Variants in ZDHHC2 observed in about 807,000 individuals in gnomAD.
The protein encoded by ZDHHC2 is palmitoyltransferase ZDHHC2.
A neutral mutation model predicts 55.6 loss-of-function variants in ZDHHC2; 51 were observed. That is an observed-to-expected ratio of 0.92 (90% CI 0.73 to 1.16). The LOEUF (loss-of-function observed/expected upper bound fraction) is 1.16. Ranked by LOEUF, ZDHHC2 falls within the 50% of genes most tolerant of loss-of-function variation. The pLI, the probability that ZDHHC2 is intolerant of heterozygous loss-of-function variation, is 0.00. For synonymous variants in ZDHHC2, 199 were observed against 152.9 expected (o/e 1.30, Z -2.22); for missense variants, 491 against 442.4 (o/e 1.11, Z -0.99).
At chr8:17,183,444 C>G (rs1414246845) in intron 1 of ZDHHC2, among the ~76,000 whole-genome samples, 2 of 152,216 alleles carry the variant, frequency 1.3e-5, no homozygotes, top group Non-Finnish European at 2.9e-5. Flanking sequence ...CAAACTCTGA[C>G]TAGCCTCTGA....
intron 7 of ZDHHC2, 86 bp downstream of exon 7, chr8:17,205,861 A>G: frequency 7.6e-7 from 1 of 1,321,376 alleles, no homozygotes; most frequent in Non-Finnish European, 1.0e-6. Flanking sequence ...TCCGACACTG[A>G]CTTTATAGAC....
intron 1 of ZDHHC2, among the ~76,000 whole-genome samples, chr8:17,183,361 T>A (rs1805531941): frequency 6.6e-6 from 1 of 152,186 alleles, no homozygotes; most frequent in African/African-American, 2.4e-5. Flanking sequence ...TAGGTTCAGA[T>A]ATTAAAAAAC....
chr8:17,187,077 T>C, intron 3 of ZDHHC2, among the ~76,000 whole-genome samples: 1 of 152,158 alleles, frequency 6.6e-6, no homozygotes, highest in East Asian at 1.9e-4. Context: ...CATTTAGAAG[T>C]TGGTTATATG....
At chr8:17,212,956 G>A (rs1807459260) in intron 10 of ZDHHC2, among the ~76,000 whole-genome samples, 1 of 151,992 alleles carries the variant, frequency 6.6e-6, no homozygotes, top group Non-Finnish European at 1.5e-5. Flanking sequence ...TCACACTCCT[G>A]GGCTCAAGCA....
At chr8:17,184,740 C>G in intron 1 of ZDHHC2, 49 bp from the exon 2 acceptor site, 2 of 1,496,458 alleles carry the variant, frequency 1.3e-6, no homozygotes, top group East Asian at 2.5e-5. Flanking sequence ...TGTCAAGCCC[C>G]GTTTGCCATA....
chr8:17,167,880 C>A (rs1405874264), intron 1 of ZDHHC2, among the ~76,000 whole-genome samples: 1 of 117,632 alleles, frequency 8.5e-6, no homozygotes, highest in East Asian at 2.3e-4. Context: ...GCAGGAAACA[C>A]TCCAACAGCA....
Position 17,221,751 on chromosome 8 carries a change from A to G in ZDHHC2, c.*1530A>G, listed in dbSNP as rs1467199023. ...GAGTGCAATTCTTTGAACAATAGAA[A>G]TATCTGCAGTCTTTCACAGATTTGT... On this transcript the variant is annotated 3_prime_UTR_variant, in exon 13 of 13. Transcript: ENST00000262096. The G allele has an allele frequency of 1.3e-5, 2 of 152,526 alleles. No homozygotes were observed. The highest frequency in any genetic ancestry group is 4.8e-5 in the African/African-American group (2 of 41,452). The allele number at this position is 152,526 out of a possible 1,614,324, so 9.4% of individuals were successfully genotyped here. A position where few individuals can be genotyped will look rare whatever the true frequency, so the allele number is the denominator to read the frequency against.
At chr8:17,208,719 G>T (rs1807227319) in intron 8 of ZDHHC2, among the ~76,000 whole-genome samples, 2 of 152,098 alleles carry the variant, frequency 1.3e-5, no homozygotes, top group South Asian at 4.1e-4. Flanking sequence ...AATACTATTA[G>T]GGTGAAAATA....
At chr8:17,158,702 G>C (rs1804186899) in intron 1 of ZDHHC2, among the ~76,000 whole-genome samples, 1 of 152,214 alleles carries the variant, frequency 6.6e-6, no homozygotes, top group Non-Finnish European at 1.5e-5. Context: ...GTGACGATTT[G>C]ACTAAGAGGA....
chr8:17,203,742 C>T, intron 6 of ZDHHC2, among the ~76,000 whole-genome samples: 1 of 152,098 alleles, frequency 6.6e-6, no homozygotes, highest in African/African-American at 2.4e-5. Context: ...CCCACTGGAA[C>T]CTCTAGAGAT....
chr8:17,201,159 C>G (rs185150590), intron 6 of ZDHHC2, among the ~76,000 whole-genome samples: 2 of 152,286 alleles, frequency 1.3e-5, no homozygotes, highest in East Asian at 3.9e-4. Flanking sequence ...TCTTCCCAGT[C>G]CCTCTCCCCA....
At chr8:17,195,919 T>C (rs964986394) in intron 4 of ZDHHC2, among the ~76,000 whole-genome samples, 1 of 152,220 alleles carries the variant, frequency 6.6e-6, no homozygotes, top group Non-Finnish European at 1.5e-5. Context: ...TTTATGGTAG[T>C]ACTCATGTTT....
chr8:17,199,565 TTC>T (rs879300258), intron 6 of ZDHHC2, among the ~76,000 whole-genome samples: 53,814 of 111,794 alleles, frequency 0.48, 15,279 homozygotes, highest in Non-Finnish European at 0.64. Context: ...CTTCGTCTTC[TTC>T]GTCTTTGTCT....
At chr8:17,206,845 G>T (rs1374346213) in intron 7 of ZDHHC2, among the ~76,000 whole-genome samples, 1 of 152,126 alleles carries the variant, frequency 6.6e-6, no homozygotes, top group African/African-American at 2.4e-5. Flanking sequence ...TAAATTGCTA[G>T]ATCACTTATG....
intron 1 of ZDHHC2, among the ~76,000 whole-genome samples, chr8:17,171,608 G>C (rs1585654543): frequency 6.6e-6 from 1 of 152,058 alleles, no homozygotes; most frequent in African/African-American, 2.4e-5. Context: ...AATTAGATAA[G>C]TTAGATTTTA....
intron 1 of ZDHHC2, among the ~76,000 whole-genome samples, chr8:17,181,215 G>C: frequency 6.6e-6 from 1 of 152,252 alleles, no homozygotes; most frequent in East Asian, 1.9e-4. Flanking sequence ...ATTCAAATTA[G>C]TTGTCATGGT....
At position 17,197,671 on chromosome 8, in the gene ZDHHC2, C is replaced by A; in HGVS notation, c.443+20C>A. 6.3e-7 allele frequency: 1 copy of A among 1,599,642 alleles called. No individual in the cohort carries two copies. The highest frequency in any genetic ancestry group is 1.3e-5 in the African/African-American group (1 of 74,540). ...TGATAAGTAAGAGAACCTTTAACTT[C>A]TAAAATATCTACATGCTGGTGGTCT... On this transcript the variant is annotated intron_variant, in intron 5 of 12. Transcript: ENST00000262096.
intron 7 of ZDHHC2, among the ~76,000 whole-genome samples, chr8:17,206,058 T>A (rs1449086127): frequency 6.6e-6 from 1 of 152,202 alleles, no homozygotes; most frequent in Non-Finnish European, 1.5e-5. Context: ...AAGACGATGC[T>A]TTTGCCTTCT....
At chr8:17,202,030 T>G (rs1470909876) in intron 6 of ZDHHC2, among the ~76,000 whole-genome samples, 1 of 152,138 alleles carries the variant, frequency 6.6e-6, no homozygotes, top group Non-Finnish European at 1.5e-5. Flanking sequence ...TATCAAAGTA[T>G]TTTTTTCCTT....
Sources: gnomAD v4.1 joint callset for allele counts (sites outside exome capture counted in the v4.1 genomes callset) on GRCh38, gnomAD v4.1.1 for gene constraint, MANE v1.5 for transcripts, NCBI Gene and HGNC (gene_info 2026-07-23, HGNC 2026-07-21) for gene names.